Variants in DAB1 observed in about 807,000 individuals in gnomAD.
DAB1 encodes DAB adaptor protein 1.
DAB1 carries 15 observed loss-of-function variants against 64.6 expected under a neutral mutation model. That is an observed-to-expected ratio of 0.23 (90% confidence interval 0.16 to 0.36). The LOEUF (loss-of-function observed/expected upper bound fraction) is 0.36, where lower values mean the gene tolerates loss of function less well. Ranked by LOEUF, DAB1 falls within the 10% of genes least tolerant of loss-of-function variation. DAB1 has a pLI of 1.00. For missense variants in DAB1, 596 were observed against 706.7 expected (o/e 0.84, Z 1.78); for synonymous variants, 235 against 251.9 (o/e 0.93, Z 0.64).
At chr1:57,796,614 TTAA>T (rs996150976) in intron 6 of DAB1, among the ~76,000 whole-genome samples, 5 of 152,076 alleles carry the variant, frequency 3.3e-5, no homozygotes, top group African/African-American at 1.2e-4. Context: ...TGCACCTGCC[TTAA>T]TATAGTGTCC....
intron 5 of DAB1, among the ~76,000 whole-genome samples, chr1:58,028,060 A>G (rs1008319728): frequency 2.0e-5 from 3 of 152,188 alleles, no homozygotes; most frequent in African/African-American, 7.2e-5. Context: ...CCTTATCTGT[A>G]GAATATAATT....
intron 3 of DAB1, among the ~76,000 whole-genome samples, chr1:58,502,503 T>A (rs373747039): frequency 2.6e-5 from 4 of 152,328 alleles, no homozygotes; most frequent in East Asian, 3.9e-4. Flanking sequence ...TGCTGTATTC[T>A]CAACTGCCTT....
chr1:57,515,999 C>T (rs1285754187), intron 7 of DAB1, among the ~76,000 whole-genome samples: 1 of 152,220 alleles, frequency 6.6e-6, no homozygotes, highest in Non-Finnish European at 1.5e-5. Context: ...AATGCTAGGA[C>T]TTAGAGTTGA....
intron 2 of DAB1, among the ~76,000 whole-genome samples, chr1:57,243,132 A>G (rs941592690): frequency 6.6e-6 from 1 of 152,212 alleles, no homozygotes; most frequent in African/African-American, 2.4e-5. Context: ...TGTTAACAGC[A>G]CTAATTATCT....
At chr1:57,622,318 C>T (rs1645869668) in intron 7 of DAB1, among the ~76,000 whole-genome samples, 1 of 152,094 alleles carries the variant, frequency 6.6e-6, no homozygotes, top group African/African-American at 2.4e-5. Flanking sequence ...TTGACATTAC[C>T]CCACTCACAC....
At chr1:58,078,527 TA>T (rs1312190707) in intron 5 of DAB1, among the ~76,000 whole-genome samples, 1 of 152,158 alleles carries the variant, frequency 6.6e-6, no homozygotes, top group Non-Finnish European at 1.5e-5. Flanking sequence ...CCCTTGAGCC[TA>T]AAGTCCTATG....
chr1:57,791,311 T>C (rs1401516406), intron 6 of DAB1, among the ~76,000 whole-genome samples: 1 of 152,242 alleles, frequency 6.6e-6, no homozygotes, highest in Non-Finnish European at 1.5e-5. Context: ...AGATACATAC[T>C]ATGATCCTTT....
intron 7 of DAB1, among the ~76,000 whole-genome samples, chr1:57,516,744 C>T (rs1298624624): frequency 6.6e-6 from 1 of 152,154 alleles, no homozygotes; most frequent in African/African-American, 2.4e-5. Flanking sequence ...CCTTGAACGC[C>T]AACTTCTATT....
chr1:57,104,643 T>C (rs1164174223), intron 4 of DAB1, among the ~76,000 whole-genome samples: 1 of 152,154 alleles, frequency 6.6e-6, no homozygotes, highest in Non-Finnish European at 1.5e-5. Context: ...GTGTTGCCCA[T>C]CTAGTGTACT....
chr1:57,139,756 C>T (rs1033577173), intron 3 of DAB1, among the ~76,000 whole-genome samples: 3 of 152,070 alleles, frequency 2.0e-5, no homozygotes, highest in Non-Finnish European at 4.4e-5. Flanking sequence ...GATACTAAGG[C>T]CCCCTTTGCT....
chr1:57,604,825 T>C (rs553948093), intron 7 of DAB1, among the ~76,000 whole-genome samples: 2 of 152,334 alleles, frequency 1.3e-5, no homozygotes, highest in South Asian at 4.2e-4. Flanking sequence ...TGTTGCATGT[T>C]CTTAGTGTTG....
rs762354477 is a variant in DAB1 at position 58,207,304 on chromosome 1, G to A, written n.310-56716C>T. On this transcript the variant is annotated intron_variant and non_coding_transcript_variant, in intron 4 of 20. Coordinates refer to the DAB1 transcript ENST00000485760. The stretch of plus-strand genomic sequence containing the variant: ...AGCGGTTTTCAAATGTAGTGAGGAC[G>A]GAGGTTAGAGTGGAAGTATGAAGGA... Among the ~76,000 whole-genome samples the A allele has an allele frequency of 3.3e-5, 5 of 152,204 alleles. 1 individual carries two copies. The highest frequency in any genetic ancestry group is 2.1e-4 in the South Asian group (1 of 4,834).
chr1:57,982,962 G>C (rs528465197), intron 5 of DAB1, among the ~76,000 whole-genome samples: 1 of 152,298 alleles, frequency 6.6e-6, no homozygotes, highest in South Asian at 2.1e-4. Context: ...GAAAACGAAG[G>C]CTCAGAGAGA....
At chr1:58,148,551 A>G (rs1045273518) in intron 5 of DAB1, among the ~76,000 whole-genome samples, 7 of 152,198 alleles carry the variant, frequency 4.6e-5, no homozygotes, top group Admixed American at 2.0e-4. Flanking sequence ...TGCTGCTAAT[A>G]AAGACATACC....
chr1:57,831,943 G>C (rs1652607350), intron 1 of DAB1, among the ~76,000 whole-genome samples: 1 of 152,162 alleles, frequency 6.6e-6, no homozygotes, highest in Admixed American at 6.5e-5. Flanking sequence ...TGAACACACA[G>C]ACATGGCTCT....
chr1:57,078,774 G>A (rs1279158536), intron 4 of DAB1, among the ~76,000 whole-genome samples: 1 of 152,166 alleles, frequency 6.6e-6, no homozygotes, highest in Non-Finnish European at 1.5e-5. Flanking sequence ...AAGGCTGCTT[G>A]GCAGTATGTT....
chr1:57,222,479 G>A (rs977319668), intron 2 of DAB1, among the ~76,000 whole-genome samples: 2 of 152,184 alleles, frequency 1.3e-5, no homozygotes, highest in Admixed American at 6.5e-5. Context: ...GGGGGCTGGG[G>A]TGGAAGGAGC....
At chr1:58,043,028 A>T (rs1255871690) in intron 5 of DAB1, among the ~76,000 whole-genome samples, 2 of 152,220 alleles carry the variant, frequency 1.3e-5, no homozygotes, top group Non-Finnish European at 2.9e-5. Context: ...TATCCATCAA[A>T]TTCAGCACAA....
At chr1:57,857,858 A>AC (rs893757775) in intron 1 of DAB1, among the ~76,000 whole-genome samples, 1 of 151,376 alleles carries the variant, frequency 6.6e-6, no homozygotes, top group African/African-American at 2.4e-5. Flanking sequence ...TCATACAAAA[A>AC]AAAAAAAAGA....
Sources: gnomAD v4.1 joint callset for allele counts (sites outside exome capture counted in the v4.1 genomes callset) on GRCh38, gnomAD v4.1.1 for gene constraint, MANE v1.5 for transcripts, NCBI Gene and HGNC (gene_info 2026-07-23, HGNC 2026-07-21) for gene names.